Variants in FETUB observed in about 807,000 individuals in gnomAD.
The protein encoded by FETUB is fetuin-B.
A neutral mutation model predicts 30.9 loss-of-function variants in FETUB; 28 were observed. That is an observed-to-expected ratio of 0.90 (90% CI 0.67 to 1.24). FETUB has a LOEUF of 1.24. FETUB is among the 50% of genes most tolerant of loss of function. The pLI, the probability that FETUB is intolerant of heterozygous loss-of-function variation, is 0.00. For missense variants in FETUB, 469 were observed against 455.3 expected (o/e 1.03, Z -0.27); for synonymous variants, 186 against 175.9 (o/e 1.06, Z -0.45).
chr3:186,650,854 C>T (rs1717969247), intron 5 of FETUB, among the ~76,000 whole-genome samples: 1 of 152,100 alleles, frequency 6.6e-6, no homozygotes, highest in Non-Finnish European at 1.5e-5. Flanking sequence ...TCAGGTGGAA[C>T]GCACTTAAAG....
chr3:186,648,934 G>A (rs1255061675), intron 5 of FETUB, among the ~76,000 whole-genome samples: 1 of 152,180 alleles, frequency 6.6e-6, no homozygotes, highest in Non-Finnish European at 1.5e-5. Flanking sequence ...CATGTCACCT[G>A]AAAAGAGATA....
In FETUB at chr3:186,646,307, A is replaced by C; in HGVS notation, c.654A>C (p.Lys218Asn). ...EYLIKESPCTKSQASSCSLQS... is the reference protein window; with the variant it reads ...EYLIKESPCTNSQASSCSLQS... ...TAATTAAAGAATCACCATGTACTAAATCCCAGGCCAGCAGCTGTTCACTTC... is the reference window on the plus strand; with the variant it reads ...TAATTAAAGAATCACCATGTACTAACTCCCAGGCCAGCAGCTGTTCACTTC... The change falls in exon 5 of 7, where the codon AAA (lysine) becomes AAC (asparagine). Residue 218 changes from lysine to asparagine, a missense_variant. Coordinates refer to ENST00000265029, the MANE Select transcript of FETUB (RefSeq NM_014375.3). 6.2e-7 allele frequency: 1 copy of C among 1,614,062 alleles called. No homozygotes were observed. The highest frequency in any genetic ancestry group is 8.5e-7 in the Non-Finnish European group (1 of 1,179,944).
chr3:186,648,659 T>G (rs1185065427), intron 5 of FETUB, among the ~76,000 whole-genome samples: 1 of 152,224 alleles, frequency 6.6e-6, no homozygotes, highest in Non-Finnish European at 1.5e-5. Flanking sequence ...TGTTTAGAAC[T>G]CATTTAATTT....
At chr3:186,636,207 C>T (rs1379339575), upstream of FETUB, 2 of 152,240 alleles carry the variant, frequency 1.3e-5, no homozygotes, top group African/African-American at 2.4e-5. Context: ...TCCTTGACAT[C>T]TTTTCATAAA....
chr3:186,638,368 G>A (rs1041529755), upstream of FETUB, among the ~76,000 whole-genome samples: 2 of 152,156 alleles, frequency 1.3e-5, no homozygotes, highest in African/African-American at 4.8e-5. Context: ...CTTTCTACAG[G>A]CAGGTGCAAC....
At chr3:186,651,400 C>CACCCCCT in intron 6 of FETUB, 99 bp downstream of exon 6, 1 of 798,342 alleles carries the variant, frequency 1.3e-6, no homozygotes, top group Non-Finnish European at 2.1e-6. Flanking sequence ...TTCCCAACCA[C>CACCCCCT]CTTGCTCACC....
In FETUB at chr3:186,643,066, T is replaced by C. The variant is rs940629589; in HGVS notation, c.424+508T>C. Among the ~76,000 whole-genome samples the C allele has an allele frequency of 2.0e-5, 3 of 152,250 alleles. No individual in the cohort carries two copies. In the East Asian group the frequency reaches 5.8e-4, roughly 29 times the overall value. On this transcript the variant is annotated intron_variant, in intron 3 of 6. Coordinates refer to ENST00000265029, the MANE Select transcript of FETUB (RefSeq NM_014375.3). ...ACACCACTTCTTCCACAGTGTTCTC[T>C]ATTCTAGAAAGGAATGGTGCTTTTG...
At chr3:186,649,107 A>C (rs1363281823) in intron 5 of FETUB, among the ~76,000 whole-genome samples, 1 of 152,184 alleles carries the variant, frequency 6.6e-6, no homozygotes. Context: ...CTAGGGTGGG[A>C]GTGGCCAGAT....
In FETUB at chr3:186,642,364, TAA is replaced by T; in HGVS notation, c.337-106_337-105del. On this transcript the variant is annotated intron_variant, in intron 2 of 6. Coordinates refer to ENST00000265029, the MANE Select transcript of FETUB (RefSeq NM_014375.3). Reference sequence around the variant, plus strand: ...CAGCCAAAACCACAGAATTTGATCTTAAGTTTCTAACTACTTTAAAAGAAAAT... The same window carrying T: ...CAGCCAAAACCACAGAATTTGATCTTGTTTCTAACTACTTTAAAAGAAAAT... The T allele has an allele frequency of 5.7e-6, 4 of 701,176 alleles. No individual in the cohort carries two copies. In the South Asian group the frequency reaches 7.0e-5, roughly 12 times the overall value. The allele number at this position is 701,176 out of a possible 1,614,324, so 43.4% of individuals were successfully genotyped here.
rs1560019226 is a variant in FETUB, at chr3:186,640,682, A to G, written c.222A>G (p.Arg74=). ...LNRVNDAQEY[R]RGGLGSLFYL... ...GAGTGAACGACGCCCAGGAATACAG[A>G]CGGGCAAGTAGGGACAGTTCCCACT... Residue 74 remains arginine, a synonymous_variant, in exon 1 of 7, where the codon AGA becomes AGG. Transcript: ENST00000265029. The G allele has an allele frequency of 6.2e-7, 1 of 1,612,584 alleles. No individual in the cohort carries two copies. Among genetic ancestry groups the G allele is most frequent in the South Asian group, 1.1e-5 (1 of 91,030 alleles).
In FETUB at chr3:186,652,867, C is replaced by T; in HGVS notation, c.*236C>T. The stretch of plus-strand genomic sequence containing the variant: ...ACCCTGAGCTGCATCACCTCCTAAA[C>T]TGAGCAGTCTCATACCATGGAGAGA... On this transcript the variant is annotated 3_prime_UTR_variant, in exon 7 of 7. Coordinates refer to ENST00000265029, the MANE Select transcript of FETUB (RefSeq NM_014375.3). The T allele has an allele frequency of 4.4e-6, 2 of 450,954 alleles. No individual in the cohort carries two copies. Among genetic ancestry groups the T allele is most frequent in the Non-Finnish European group, 3.9e-6 (1 of 256,962 alleles). 27.9% of individuals were successfully genotyped at this position (450,954 alleles called of 1,614,324 possible). A position where few individuals can be genotyped will look rare whatever the true frequency, so the allele number is the denominator to read the frequency against.
chr3:186,646,239 T>C lies in FETUB; in HGVS notation c.595-9T>C. The C allele has an allele frequency of 6.2e-7, 1 of 1,600,040 alleles. No individual in the cohort carries two copies. On this transcript the variant is annotated splice_polypyrimidine_tract_variant and intron_variant, in intron 4 of 6. Transcript: ENST00000265029. ...TGATTTTTATGTCTCAACTCTTGTC[T>C]CATAACAGTGGGTGGTCGGCCCTTC...
chr3:186,648,992 C>G (rs1717772285), intron 5 of FETUB, among the ~76,000 whole-genome samples: 2 of 152,184 alleles, frequency 1.3e-5, no homozygotes, highest in South Asian at 4.1e-4. Context: ...GTGTTCCCAG[C>G]CTCTAGGGCT....
intron 4 of FETUB, among the ~76,000 whole-genome samples, chr3:186,645,630 T>C (rs1256379316): frequency 6.6e-6 from 1 of 150,626 alleles, no homozygotes; most frequent in South Asian, 2.1e-4. Flanking sequence ...ACCTGGCCGA[T>C]ATTTCTTTCA....
chr3:186,651,566 T>C, intron 6 of FETUB: 1 of 429,632 alleles, frequency 2.3e-6, no homozygotes, highest in Non-Finnish European at 4.2e-6. Flanking sequence ...CTCTGAGACA[T>C]TAAATTCAGC....
chr3:186,651,302 G>A lies in FETUB; in HGVS notation c.780+1G>A. 3 of 1,598,952 alleles carry A rather than the reference G, an allele frequency of 1.9e-6. No individual in the cohort carries two copies. The highest frequency in any genetic ancestry group is 1.7e-6 in the Non-Finnish European group (2 of 1,166,610). On this transcript the variant is annotated splice_donor_variant, in intron 6 of 6. Coordinates refer to ENST00000265029, the MANE Select transcript of FETUB (RefSeq NM_014375.3). LOFTEE classifies it high-confidence loss of function. ...GACTTGTGACTTCTTTGAATCACAGGTATTTTTCAATCTAATTGCCTGTCT... is the reference window on the plus strand; with the variant it reads ...GACTTGTGACTTCTTTGAATCACAGATATTTTTCAATCTAATTGCCTGTCT...
At position 186,640,415 on chromosome 3, in the gene FETUB, C is replaced by T; in HGVS notation, c.-46C>T. 1 of 1,495,736 alleles carries T rather than the reference C, an allele frequency of 6.7e-7. No homozygotes were observed. Among genetic ancestry groups the T allele is most frequent in the Admixed American group, 1.7e-5 (1 of 59,726 alleles). 92.7% of individuals were successfully genotyped at this position (1,495,736 alleles called of 1,614,324 possible). On this transcript the variant is annotated 5_prime_UTR_variant, in exon 1 of 7. Coordinates refer to ENST00000265029, the MANE Select transcript of FETUB (RefSeq NM_014375.3). ...AAGAGCCTTACAAGCCAGCCAGTCCCTGCAGCTCCACAAACTGACCCATCC... is the reference window on the plus strand; with the variant it reads ...AAGAGCCTTACAAGCCAGCCAGTCCTTGCAGCTCCACAAACTGACCCATCC...
intron 5 of FETUB, 66 bp from the exon 6 acceptor site, chr3:186,651,152 A>G: frequency 2.9e-6 from 3 of 1,044,016 alleles, no homozygotes; most frequent in Non-Finnish European, 4.5e-6. Flanking sequence ...ACACAAGTAG[A>G]AAGCTAGTTG....
At position 186,640,525 on chromosome 3, in the gene FETUB, C is replaced by G; in HGVS notation, c.65C>G (p.Pro22Arg). The G allele has an allele frequency of 1.2e-6, 2 of 1,614,196 alleles. No individual in the cohort carries two copies. The highest frequency in any genetic ancestry group is 1.7e-6 in the Non-Finnish European group (2 of 1,180,032). ...LVLCCGAMSPPQLALNPSALL... is the reference protein window; with the variant it reads ...LVLCCGAMSPRQLALNPSALL... ...CTGTGCTGCGGAGCAATGTCTCCACCCCAGCTGGCCCTCAACCCCTCGGCT... is the reference window on the plus strand; with the variant it reads ...CTGTGCTGCGGAGCAATGTCTCCACGCCAGCTGGCCCTCAACCCCTCGGCT... The change falls in exon 1 of 7, where the codon CCC becomes CGC. Residue 22 changes from proline to arginine, a missense_variant. Coordinates refer to ENST00000265029, the MANE Select transcript of FETUB (RefSeq NM_014375.3).
Sources: gnomAD v4.1 joint callset for allele counts (sites outside exome capture counted in the v4.1 genomes callset) on GRCh38, gnomAD v4.1.1 for gene constraint, MANE v1.5 for transcripts, NCBI Gene and HGNC (gene_info 2026-07-23, HGNC 2026-07-21) for gene names.